SLIRP: variants seen among roughly 807,000 people sequenced by gnomAD.
SLIRP encodes SRA stem-loop-interacting RNA-binding protein, mitochondrial.
Under a neutral mutation model 13.4 loss-of-function variants are expected in SLIRP, and 12 were observed. The ratio of observed to expected loss-of-function variants is 0.89; its 90% confidence interval spans 0.57 to 1.45. The LOEUF (loss-of-function observed/expected upper bound fraction) is 1.45. Among genes scored for constraint, SLIRP ranks in the 40% most tolerant of loss-of-function variants. The pLI is 0.00. For synonymous variants in SLIRP, 55 were observed against 47.1 expected, an observed-to-expected ratio of 1.17 and a Z score of -0.69; for missense variants, 154 against 132.2, an observed-to-expected ratio of 1.17 and a Z score of -0.81.
chr14:77,713,997 GTACTC>G, intron 2 of SLIRP, among the ~76,000 whole-genome samples: 1 of 151,418 alleles, frequency 6.6e-6, no homozygotes, highest in Non-Finnish European at 1.5e-5. Context: ...TCCATTCATT[GTACTC>G]TAGTTGGAAA....
chr14:77,708,087 C>T, upstream of SLIRP: 2 of 1,611,436 alleles, frequency 1.2e-6, no homozygotes, highest in Non-Finnish European at 1.7e-6. Flanking sequence ...GCGACCTCGG[C>T]TCGAGAAGGT....
At chr14:77,714,530 A>T (rs2080462066) in intron 2 of SLIRP, among the ~76,000 whole-genome samples, 1 of 152,180 alleles carries the variant, frequency 6.6e-6, no homozygotes, top group African/African-American at 2.4e-5. Context: ...CAAACTCCTG[A>T]CCTCAAGCCA....
At chr14:77,712,292 A>C (rs1266323727) in intron 2 of SLIRP, among the ~76,000 whole-genome samples, 1 of 83,906 alleles carries the variant, frequency 1.2e-5, no homozygotes, top group East Asian at 3.1e-4. Flanking sequence ...TTTTTTTTTG[A>C]GATGGAGTCT....
intron 2 of SLIRP, among the ~76,000 whole-genome samples, chr14:77,712,693 G>A (rs528428491): frequency 7.9e-5 from 12 of 152,208 alleles, no homozygotes; most frequent in Admixed American, 2.0e-4. Flanking sequence ...TGACCCGCCC[G>A]CCTGGGCTTC....
intron 1 of SLIRP, among the ~76,000 whole-genome samples, chr14:77,709,857 C>G (rs183559566): frequency 3.2e-4 from 48 of 152,220 alleles, no homozygotes; most frequent in Admixed American, 3.1e-3. Context: ...AAAATTTAGT[C>G]TCTGTGGATT....
rs536615652 is a variant in SLIRP at position 77,708,143 on chromosome 14, C to T, written c.32C>T (p.Ala11Val). Residue 11 changes from alanine to valine, a missense_variant, in exon 1 of 4, where the codon GCG (alanine) becomes GTG (valine). By Grantham distance (64) the Ala-to-Val change is moderately conservative. Transcript: ENST00000557342. Reference sequence around the variant, plus strand: ...GCCTCAGCAGCGAGAGGTGCTGCGGCGCTGCGTAGAAGTATCAATCAGCCG... The same window carrying T: ...GCCTCAGCAGCGAGAGGTGCTGCGGTGCTGCGTAGAAGTATCAATCAGCCG... Reference protein sequence around the residue: MAASAARGAAALRRSINQPVA... With the variant: MAASAARGAAVLRRSINQPVA... The T allele has an allele frequency of 5.0e-6, 8 of 1,614,006 alleles. No individual in the cohort carries two copies. The highest frequency in any genetic ancestry group is 5.9e-6 in the Non-Finnish European group (7 of 1,179,910).
chr14:77,713,981 T>G (rs923041776), intron 2 of SLIRP, among the ~76,000 whole-genome samples: 2 of 152,152 alleles, frequency 1.3e-5, no homozygotes, highest in African/African-American at 4.8e-5. Context: ...AAAAATATTT[T>G]TTTGTTCCAT....
intron 1 of SLIRP, among the ~76,000 whole-genome samples, chr14:77,709,456 T>G (rs894113530): frequency 6.6e-6 from 1 of 152,234 alleles, no homozygotes; most frequent in Non-Finnish European, 1.5e-5. Flanking sequence ...TGTGAAACTT[T>G]ATGGAAAGGC....
At chr14:77,715,038 GT>G (rs3214416) in intron 2 of SLIRP, among the ~76,000 whole-genome samples, 5,514 of 152,216 alleles carry the variant, frequency 0.036, 149 homozygotes, top group Non-Finnish European at 0.053. Context: ...ATCTTTTCTT[GT>G]TTTTCATTAG....
chr14:77,708,190 C>T lies in SLIRP; in HGVS notation c.79C>T (p.Pro27Ser). The change falls in exon 1 of 4, where the codon CCT becomes TCT. Residue 27 changes from proline to serine, a missense_variant. Transcript: ENST00000557342. Reference protein sequence around the residue: ...NQPVAFVRRIPWTAASSQLKE... With the variant: ...NQPVAFVRRISWTAASSQLKE... ...GCCGGTTGCTTTTGTGAGAAGAATT[C>T]CTTGGACTGCGGCGTCGAGTGAGTG... is the stretch of plus-strand genomic sequence containing the variant. The T allele has an allele frequency of 1.9e-6, 3 of 1,614,152 alleles. No homozygotes were observed. Among genetic ancestry groups the T allele is most frequent in the Non-Finnish European group, 2.5e-6 (3 of 1,180,032 alleles).
chr14:77,715,244 T>C (rs945925180), intron 2 of SLIRP, among the ~76,000 whole-genome samples: 1 of 152,106 alleles, frequency 6.6e-6, no homozygotes, highest in Non-Finnish European at 1.5e-5. Context: ...ACCCGTATCT[T>C]CTCTAATGGC....
intron 3 of SLIRP, 32 bp downstream of exon 3, chr14:77,715,911 G>T (rs1427561297): frequency 1.4e-6 from 2 of 1,453,274 alleles, no homozygotes; most frequent in Non-Finnish European, 1.9e-6. Flanking sequence ...ATACATACAT[G>T]ATATACATGT....
intron 1 of SLIRP, among the ~76,000 whole-genome samples, chr14:77,709,772 ATTTT>A (rs2080426391): frequency 6.6e-6 from 1 of 152,134 alleles, no homozygotes; most frequent in Admixed American, 6.6e-5. Flanking sequence ...GTTTAACATT[ATTTT>A]GTTCTCCAGT....
chr14:77,710,660 A>G lies in SLIRP; in HGVS notation c.98-178A>G, dbSNP rs1402362539. The G allele has an allele frequency of 1.3e-5, 20 of 1,537,154 alleles. No homozygotes were observed. The highest frequency in any genetic ancestry group is 1.7e-5 in the Non-Finnish European group (19 of 1,145,406). On this transcript the variant is annotated intron_variant, in intron 1 of 3. Transcript: ENST00000557342. Reference sequence around the variant, plus strand: ...AACTTCTCTGTCCATCTCACCACCAAGTCTGGTACATTATGGCTTTATAGT... The same window carrying G: ...AACTTCTCTGTCCATCTCACCACCAGGTCTGGTACATTATGGCTTTATAGT...
chr14:77,714,107 A>G (rs1322569747), intron 2 of SLIRP, among the ~76,000 whole-genome samples: 3 of 151,952 alleles, frequency 2.0e-5, no homozygotes, highest in Non-Finnish European at 4.4e-5. Flanking sequence ...TCCTGGGTTC[A>G]AGGGATCCTT....
rs374137941 is a variant in SLIRP, at chr14:77,708,180, G to T, written c.69G>T (p.Val23=). 3 of 1,614,082 alleles carry T rather than the reference G, an allele frequency of 1.9e-6. No homozygotes were observed. In the African/African-American group the frequency reaches 4.0e-5, roughly 22 times the overall value. Residue 23 remains valine (V), a synonymous_variant, in exon 1 of 4, where the codon GTG becomes GTT. Transcript: ENST00000557342. The part of the protein sequence containing the change: ...RRSINQPVAF[V]RRIPWTAASS... The stretch of plus-strand genomic sequence containing the variant: ...GTATCAATCAGCCGGTTGCTTTTGT[G>T]AGAAGAATTCCTTGGACTGCGGCGT...
At chr14:77,714,419 G>A (rs536888315) in intron 2 of SLIRP, among the ~76,000 whole-genome samples, 1 of 152,126 alleles carries the variant, frequency 6.6e-6, no homozygotes, top group Non-Finnish European at 1.5e-5. Flanking sequence ...CCCTTCCTCA[G>A]TCACCCAGAT....
chr14:77,708,450 C>T (rs988525679), intron 1 of SLIRP, among the ~76,000 whole-genome samples: 2 of 152,182 alleles, frequency 1.3e-5, no homozygotes, highest in African/African-American at 2.4e-5. Context: ...AGATTTATTA[C>T]TTGGTAACCA....
At chr14:77,711,012 T>C in intron 2 of SLIRP, 116 bp downstream of exon 2, 1 of 878,326 alleles carries the variant, frequency 1.1e-6, no homozygotes. Flanking sequence ...ATAATAATTG[T>C]ACATTTTAAA....
Sources: gnomAD v4.1 joint callset for allele counts (sites outside exome capture counted in the v4.1 genomes callset) on GRCh38, gnomAD v4.1.1 for gene constraint, MANE v1.5 for transcripts, NCBI Gene and HGNC (gene_info 2026-07-23, HGNC 2026-07-21) for gene names.